ANO5: variants seen among roughly 807,000 people sequenced by gnomAD.
The protein encoded by ANO5 is anoctamin 5, also known as anoctamin-5.
Under a neutral mutation model 121.0 loss-of-function variants are expected in ANO5, and 109 were observed. The observed-to-expected ratio is 0.90, with a 90% CI of 0.77 to 1.06. The LOEUF is 1.06. Ranked by LOEUF, ANO5 falls within the 50% of genes least tolerant of loss-of-function variation. The pLI, the probability that ANO5 is intolerant of heterozygous loss-of-function variation, is 0.00. For synonymous variants in ANO5, 406 were observed against 359.9 expected, an observed-to-expected ratio of 1.13 and a Z score of -1.45; for missense variants, 1,064 against 1,078.5, an observed-to-expected ratio of 0.99 and a Z score of 0.19.
At chr11:22,255,155 A>G (rs1044616273) in intron 12 of ANO5, among the ~76,000 whole-genome samples, 1 of 152,160 alleles carries the variant, frequency 6.6e-6, no homozygotes, top group African/African-American at 2.4e-5. Context: ...ACTGACCAAG[A>G]AACTAAATTT....
intron 3 of ANO5, among the ~76,000 whole-genome samples, chr11:22,215,385 A>G (rs928333580): frequency 3.3e-5 from 5 of 152,000 alleles, no homozygotes; most frequent in African/African-American, 1.2e-4. Context: ...TGATTCAGTC[A>G]TTAATTCAGT....
chr11:22,222,119 G>T (rs1032890301), intron 5 of ANO5, among the ~76,000 whole-genome samples: 1 of 151,842 alleles, frequency 6.6e-6, no homozygotes, highest in African/African-American at 2.4e-5. Context: ...CCCTAGAGAT[G>T]GGGTAAATGC....
chr11:22,213,264 C>A (rs1392425853), intron 3 of ANO5, among the ~76,000 whole-genome samples: 1 of 151,758 alleles, frequency 6.6e-6, no homozygotes, highest in African/African-American at 2.4e-5. Flanking sequence ...CCCTAAGATC[C>A]TTTTCCTATT....
chr11:22,193,646 G>C, intron 1 of ANO5, 114 bp downstream of exon 1: 1 of 1,325,546 alleles, frequency 7.5e-7, no homozygotes, highest in Non-Finnish European at 1.0e-6. Flanking sequence ...GAGTCCTAGG[G>C]AGGTTCGCTG....
At chr11:22,243,107 CATGAATGGAAAGGGATGCTGA>C (rs910816206) in intron 9 of ANO5, among the ~76,000 whole-genome samples, 12 of 151,598 alleles carry the variant, frequency 7.9e-5, no homozygotes, top group African/African-American at 2.9e-4. Flanking sequence ...GTTTTTTAAT[CATGAATGGAAAGGGATGCTGA>C]ATTTTATCAA....
intron 18 of ANO5, 103 bp from the exon 19 acceptor site, chr11:22,272,681 G>A (rs963191907): frequency 2.0e-5 from 21 of 1,053,388 alleles, no homozygotes; most frequent in African/African-American, 1.1e-4. Context: ...TGTCGTATTC[G>A]TGTGGATCAC....
At chr11:22,237,521 G>A (rs1651961813) in intron 8 of ANO5, among the ~76,000 whole-genome samples, 1 of 152,138 alleles carries the variant, frequency 6.6e-6, no homozygotes, top group African/African-American at 2.4e-5. Flanking sequence ...CTCCTGAGTA[G>A]CTGGGATTAC....
At chr11:22,234,846 T>C (rs1416711499) in intron 7 of ANO5, among the ~76,000 whole-genome samples, 2 of 152,120 alleles carry the variant, frequency 1.3e-5, no homozygotes, top group Admixed American at 1.3e-4. Context: ...TTATCCCCAT[T>C]GATCCATCAG....
chr11:22,255,556 C>A, intron 13 of ANO5, 34 bp downstream of exon 13: 1 of 1,607,902 alleles, frequency 6.2e-7, no homozygotes, highest in Non-Finnish European at 8.5e-7. Flanking sequence ...GACAGCATAT[C>A]TCAATGGACA....
intron 7 of ANO5, among the ~76,000 whole-genome samples, chr11:22,232,460 A>G (rs1342361430): frequency 1.3e-5 from 2 of 151,756 alleles, no homozygotes; most frequent in East Asian, 3.9e-4. Flanking sequence ...ATCTTTTGTT[A>G]TTTTGTGTTT....
In ANO5 at chr11:22,279,525, T is replaced by G. The variant is rs1343314566; in HGVS notation, c.2521-19T>G. On this transcript the variant is annotated intron_variant, in intron 21 of 21. Transcript: ENST00000324559. ...GACACCTCTAACAGCGTCTAATCTT[T>G]CCTTTATATTTCCTCTAGCATGTTG... 4 of 1,591,078 alleles carry G rather than the reference T, an allele frequency of 2.5e-6. No individual in the cohort carries two copies. The highest frequency in any genetic ancestry group is 1.1e-5 in the South Asian group (1 of 90,584).
chr11:22,254,652 G>A (rs1322614773), intron 12 of ANO5, among the ~76,000 whole-genome samples: 3 of 150,928 alleles, frequency 2.0e-5, no homozygotes, highest in Non-Finnish European at 2.9e-5. Context: ...AAATATATTT[G>A]TAATGGAATA....
At chr11:22,211,174 G>T in intron 2 of ANO5, 90 bp from the exon 3 acceptor site, 2 of 1,343,524 alleles carry the variant, frequency 1.5e-6, no homozygotes, top group South Asian at 1.2e-5. Flanking sequence ...TCTGCATAGA[G>T]ATTACAGAGT....
intron 2 of ANO5, among the ~76,000 whole-genome samples, chr11:22,210,180 T>G (rs2133547660): frequency 6.6e-6 from 1 of 152,096 alleles, no homozygotes; most frequent in East Asian, 1.9e-4. Flanking sequence ...CCCACAACTT[T>G]TCCCACCGGT....
chr11:22,210,053 T>G (rs1407020874), intron 2 of ANO5, among the ~76,000 whole-genome samples: 1 of 151,990 alleles, frequency 6.6e-6, no homozygotes, highest in Non-Finnish European at 1.5e-5. Context: ...CTATCTGTTG[T>G]ATTTAGACGA....
intron 5 of ANO5, 132 bp from the exon 6 acceptor site, chr11:22,225,852 C>A: frequency 1.5e-6 from 1 of 672,558 alleles, no homozygotes; most frequent in Non-Finnish European, 2.6e-6. Context: ...TCAGATGGAG[C>A]ATTTTTATAT....
At chr11:22,236,133 T>C (rs776899895) in intron 7 of ANO5, 30 bp from the exon 8 acceptor site, 1 of 1,405,318 alleles carries the variant, frequency 7.1e-7, no homozygotes, top group Non-Finnish European at 1.0e-6. Context: ...TTCTGAGATG[T>C]GATAGTGTCT....
chr11:22,258,919 G>T (rs757106449), intron 14 of ANO5, among the ~76,000 whole-genome samples: 1 of 152,086 alleles, frequency 6.6e-6, no homozygotes, highest in African/African-American at 2.4e-5. Flanking sequence ...AGATCACGAG[G>T]TCAGGAGATC....
intron 8 of ANO5, 44 bp downstream of exon 8, chr11:22,236,320 C>T: frequency 1.4e-6 from 2 of 1,455,410 alleles, no homozygotes; most frequent in Non-Finnish European, 1.9e-6. Context: ...TATTTTCCTC[C>T]TGCCATGTTC....
Sources: gnomAD v4.1 joint callset for allele counts (sites outside exome capture counted in the v4.1 genomes callset) on GRCh38, gnomAD v4.1.1 for gene constraint, MANE v1.5 for transcripts, NCBI Gene and HGNC (gene_info 2026-07-23, HGNC 2026-07-21) for gene names.